GRID1: variants seen among roughly 807,000 people sequenced by gnomAD.
GRID1 encodes glutamate receptor ionotropic, delta-1.
A neutral mutation model predicts 98.0 loss-of-function variants in GRID1; 28 were observed. That is an observed-to-expected ratio of 0.29 (90% CI 0.21 to 0.39). GRID1 has a LOEUF of 0.39. Among genes scored for constraint, GRID1 ranks in the 10% least tolerant of loss-of-function variants. GRID1 has a pLI of 1.00. For synonymous variants in GRID1, 553 were observed against 538.5 expected (o/e 1.03, Z -0.37); for missense variants, 1,111 against 1,340.5 (o/e 0.83, Z 2.67).
chr10:86,363,577 C>G (rs942607712), intron 2 of GRID1, among the ~76,000 whole-genome samples: 1 of 152,196 alleles, frequency 6.6e-6, no homozygotes, highest in East Asian at 1.9e-4. Flanking sequence ...GATACAGGTA[C>G]CCGGCACGCA....
intron 14 of GRID1, among the ~76,000 whole-genome samples, chr10:85,617,621 C>G (rs1842807533): frequency 6.6e-6 from 1 of 152,196 alleles, no homozygotes; most frequent in Non-Finnish European, 1.5e-5. Flanking sequence ...AGGAACTGTA[C>G]CCTACAGGAA....
At chr10:85,770,644 C>A (rs1275477021) in intron 8 of GRID1, among the ~76,000 whole-genome samples, 1 of 152,140 alleles carries the variant, frequency 6.6e-6, no homozygotes, top group Non-Finnish European at 1.5e-5. Flanking sequence ...ACTGATGGAG[C>A]TGAAAGCCAA....
chr10:85,933,710 G>C (rs1428104036), intron 4 of GRID1, among the ~76,000 whole-genome samples: 1 of 152,130 alleles, frequency 6.6e-6, no homozygotes, highest in East Asian at 1.9e-4. Flanking sequence ...CTTCTAGAAG[G>C]GAAGAATGTC....
At chr10:85,746,973 C>A (rs1285987165) in intron 8 of GRID1, among the ~76,000 whole-genome samples, 1 of 152,168 alleles carries the variant, frequency 6.6e-6, no homozygotes, top group African/African-American at 2.4e-5. Context: ...ATTCCCACAT[C>A]ATCTAAAATG....
intron 8 of GRID1, among the ~76,000 whole-genome samples, chr10:85,750,571 T>A (rs935405670): frequency 6.6e-6 from 1 of 152,212 alleles, no homozygotes; most frequent in African/African-American, 2.4e-5. Context: ...TCTACTTCGA[T>A]TTTTGCTTAT....
intron 4 of GRID1, among the ~76,000 whole-genome samples, chr10:86,135,448 T>G (rs1416420727): frequency 6.6e-6 from 1 of 152,128 alleles, no homozygotes; most frequent in African/African-American, 2.4e-5. Context: ...TCCGGAGACC[T>G]GAGTTCTATC....
intron 2 of GRID1, among the ~76,000 whole-genome samples, chr10:86,292,706 GATGTGGGTGGGTGGGTGCGAGTGTGC>G (rs1847532993): frequency 6.6e-6 from 1 of 152,018 alleles, no homozygotes; most frequent in South Asian, 2.1e-4. Context: ...TGTGAGTGTG[GATGTGGGTGGGTGGGTGCGAGTGTGC>G]GCAGGTGTGA....
At chr10:86,299,289 C>T (rs1162935107) in intron 2 of GRID1, among the ~76,000 whole-genome samples, 1 of 150,470 alleles carries the variant, frequency 6.6e-6, no homozygotes, top group East Asian at 1.9e-4. Flanking sequence ...CCCATTCTCC[C>T]TTCTTTCCTG....
chr10:85,599,940 A>ACAAAC lies in GRID1; in HGVS notation c.*2332_*2333insGTTTG, dbSNP rs1842551161. 7.0e-5 allele frequency: 6 copies of ACAAAC among 85,868 alleles called. No homozygotes were observed. The highest frequency in any genetic ancestry group is 3.2e-4 in the African/African-American group (6 of 18,694). The allele number at this position is 85,868 out of a possible 1,614,324, so 5.3% of individuals were successfully genotyped here. ...TCTCTCACACACACACACACACACA[A>ACAAAC]ACACACACACACAGGCGCACAAACA... On this transcript the variant is annotated 3_prime_UTR_variant, in exon 16 of 16. Coordinates refer to ENST00000327946, the MANE Select transcript of GRID1 (RefSeq NM_017551.3).
intron 8 of GRID1, among the ~76,000 whole-genome samples, chr10:85,813,647 A>T (rs1842692471): frequency 6.6e-6 from 1 of 151,934 alleles, no homozygotes; most frequent in African/African-American, 2.4e-5. Context: ...ATGTTTAAAA[A>T]AATTCAAGGT....
chr10:86,094,436 A>G (rs1039259445), intron 4 of GRID1, among the ~76,000 whole-genome samples: 1 of 152,218 alleles, frequency 6.6e-6, no homozygotes, highest in Non-Finnish European at 1.5e-5. Context: ...ATGATCATTT[A>G]CCTTGAAAAC....
chr10:85,995,188 A>C (rs1325847555), intron 4 of GRID1, among the ~76,000 whole-genome samples: 2 of 152,250 alleles, frequency 1.3e-5, no homozygotes, highest in Non-Finnish European at 2.9e-5. Context: ...GGCATTATTC[A>C]GGAACAAAGT....
intron 12 of GRID1, among the ~76,000 whole-genome samples, chr10:85,652,164 G>A (rs988869389): frequency 2.6e-5 from 4 of 152,118 alleles, no homozygotes; most frequent in African/African-American, 7.2e-5. Context: ...AGCTGTGGCC[G>A]AGGATATTCT....
At chr10:85,628,077 G>C (rs909194002) in intron 13 of GRID1, among the ~76,000 whole-genome samples, 1 of 152,052 alleles carries the variant, frequency 6.6e-6, no homozygotes, top group African/African-American at 2.4e-5. Flanking sequence ...GGAGATGTGT[G>C]TGTATAGATG....
intron 8 of GRID1, among the ~76,000 whole-genome samples, chr10:85,780,398 G>A (rs1842371199): frequency 6.6e-6 from 1 of 152,198 alleles, no homozygotes; most frequent in Non-Finnish European, 1.5e-5. Flanking sequence ...GGAGTGAGAA[G>A]AACTGGTATA....
At chr10:86,104,014 C>T (rs1332503391) in intron 4 of GRID1, among the ~76,000 whole-genome samples, 1 of 152,182 alleles carries the variant, frequency 6.6e-6, no homozygotes, top group African/African-American at 2.4e-5. Context: ...TCTGATGTGG[C>T]CTTCAGACTC....
chr10:86,364,852 G>T (rs995688990), intron 1 of GRID1, among the ~76,000 whole-genome samples: 2 of 152,260 alleles, frequency 1.3e-5, no homozygotes, highest in African/African-American at 2.4e-5. Flanking sequence ...GGGCTTTCTA[G>T]AACCGCGGAC....
chr10:85,850,258 G>A (rs147039546), intron 8 of GRID1, among the ~76,000 whole-genome samples: 5 of 152,306 alleles, frequency 3.3e-5, no homozygotes, highest in African/African-American at 1.2e-4. Flanking sequence ...AACAGCTTCA[G>A]CAATCAGGTC....
chr10:86,039,714 C>T (rs1266489664), intron 4 of GRID1, among the ~76,000 whole-genome samples: 3 of 152,144 alleles, frequency 2.0e-5, no homozygotes, highest in Admixed American at 6.5e-5. Context: ...TGTCTCAACG[C>T]GTAGGTCCTA....
Sources: gnomAD v4.1 joint callset for allele counts (sites outside exome capture counted in the v4.1 genomes callset) on GRCh38, gnomAD v4.1.1 for gene constraint, MANE v1.5 for transcripts, NCBI Gene and HGNC (gene_info 2026-07-23, HGNC 2026-07-21) for gene names.